The following SNAP91 variants were observed in gnomAD, a reference collection of about 807,000 sequenced individuals.
SNAP91 encodes the protein clathrin coat assembly protein AP180.
SNAP91 carries 27 observed loss-of-function variants against 100.3 expected under a neutral mutation model. The observed-to-expected ratio is 0.27, with a 90% CI of 0.20 to 0.37. The LOEUF (loss-of-function observed/expected upper bound fraction) is 0.37. Among genes scored for constraint, SNAP91 ranks in the 10% least tolerant of loss-of-function variants. The pLI is 1.00. For synonymous variants in SNAP91, 404 were observed against 398.6 expected, an observed-to-expected ratio of 1.01 and a Z score of -0.16; for missense variants, 986 against 1,123.7, an observed-to-expected ratio of 0.88 and a Z score of 1.75.
intron 2 of SNAP91, chr6:83,685,953 AC>A (rs1170763003): frequency 6.5e-6 from 1 of 154,292 alleles, no homozygotes; most frequent in African/African-American, 2.4e-5. Flanking sequence ...CAATTGACTT[AC>A]CTTTTTGTTT....
chr6:83,621,830 T>C (rs1282693956), intron 9 of SNAP91, among the ~76,000 whole-genome samples: 2 of 152,118 alleles, frequency 1.3e-5, no homozygotes, highest in South Asian at 2.1e-4. Context: ...GAAATAAAGA[T>C]GATTTGCCAC....
chr6:83,647,628 A>G (rs1208393870), intron 7 of SNAP91, among the ~76,000 whole-genome samples: 1 of 152,126 alleles, frequency 6.6e-6, no homozygotes, highest in African/African-American at 2.4e-5. Context: ...CATGAGAGAT[A>G]TTGGTCTGTA....
intron 29 of SNAP91, among the ~76,000 whole-genome samples, chr6:83,554,611 C>G (rs1406965311): frequency 6.6e-6 from 1 of 152,114 alleles, no homozygotes; most frequent in Non-Finnish European, 1.5e-5. Flanking sequence ...TATCTAAGAG[C>G]AGCCAACCTT....
intron 2 of SNAP91, among the ~76,000 whole-genome samples, chr6:83,702,229 C>T (rs1254368846): frequency 1.3e-5 from 2 of 152,144 alleles, no homozygotes; most frequent in Non-Finnish European, 2.9e-5. Flanking sequence ...TTAGTAGATG[C>T]TGGCTCAGGA....
At chr6:83,624,722 A>T (rs1188903487) in intron 8 of SNAP91, among the ~76,000 whole-genome samples, 1 of 152,016 alleles carries the variant, frequency 6.6e-6, no homozygotes, top group Non-Finnish European at 1.5e-5. Flanking sequence ...ACAAAAAAAC[A>T]TCTCTAAATG....
chr6:83,570,052 G>GT (rs1804057030), intron 26 of SNAP91, among the ~76,000 whole-genome samples: 1 of 152,138 alleles, frequency 6.6e-6, no homozygotes, highest in African/African-American at 2.4e-5. Flanking sequence ...TTGGAACTGG[G>GT]TAACAGGCAG....
At chr6:83,642,074 G>A (rs935110681) in intron 7 of SNAP91, among the ~76,000 whole-genome samples, 1 of 152,096 alleles carries the variant, frequency 6.6e-6, no homozygotes, top group African/African-American at 2.4e-5. Context: ...GCCTACAGTA[G>A]TTCCCAGGCA....
intron 22 of SNAP91, 58 bp downstream of exon 22, chr6:83,591,153 T>A: frequency 6.4e-6 from 7 of 1,096,510 alleles, no homozygotes; most frequent in Non-Finnish European, 9.7e-6. Context: ...TTATAATTGT[T>A]ACTTATAAAA....
At chr6:83,557,340 A>G (rs911226313) in intron 28 of SNAP91, among the ~76,000 whole-genome samples, 4 of 151,936 alleles carry the variant, frequency 2.6e-5, no homozygotes, top group African/African-American at 9.7e-5. Flanking sequence ...CTGACTAATT[A>G]TATTATCTAT....
At chr6:83,587,053 T>C (rs1010047109) in intron 22 of SNAP91, among the ~76,000 whole-genome samples, 2 of 152,190 alleles carry the variant, frequency 1.3e-5, no homozygotes, top group South Asian at 4.1e-4. Context: ...ATAGTTTTTA[T>C]GATAGATAGG....
intron 16 of SNAP91, among the ~76,000 whole-genome samples, chr6:83,598,858 T>C (rs2094825798): frequency 6.6e-6 from 1 of 152,110 alleles, no homozygotes; most frequent in Non-Finnish European, 1.5e-5. Flanking sequence ...TAATGACATA[T>C]ATAGACTCCT....
intron 11 of SNAP91, among the ~76,000 whole-genome samples, chr6:83,612,769 T>C (rs1210630193): frequency 6.6e-6 from 1 of 151,746 alleles, no homozygotes; most frequent in Non-Finnish European, 1.5e-5. Context: ...CACGCGCCTG[T>C]AATCCCAGCT....
intron 6 of SNAP91, among the ~76,000 whole-genome samples, chr6:83,657,670 T>G (rs2128708348): frequency 6.6e-6 from 1 of 152,308 alleles, no homozygotes; most frequent in African/African-American, 2.4e-5. Flanking sequence ...GAGGAAAATC[T>G]TTGTTGTAGG....
In SNAP91 at chr6:83,592,938, G is replaced by A. The variant is rs577695989; in HGVS notation, c.1846+8C>T. The A allele has an allele frequency of 5.1e-6, 8 of 1,572,366 alleles. No individual in the cohort carries two copies. In the East Asian group the frequency reaches 1.2e-4, roughly 23 times the overall value. Reference sequence around the variant, plus strand: ...TCTCTGAAGTCCTGACCTTGGCAAAGCACTCACCAGATAAGAGGTCAGCAG... The same window carrying A: ...TCTCTGAAGTCCTGACCTTGGCAAAACACTCACCAGATAAGAGGTCAGCAG... On this transcript the variant is annotated splice_region_variant and intron_variant, in intron 20 of 29. Transcript: ENST00000369694.
intron 2 of SNAP91, among the ~76,000 whole-genome samples, chr6:83,694,635 G>A (rs1376298295): frequency 6.6e-6 from 1 of 152,136 alleles, no homozygotes; most frequent in African/African-American, 2.4e-5. Context: ...ATGTGAACCT[G>A]GGAGCTTTAG....
chr6:83,668,531 G>C (rs1412128023), intron 2 of SNAP91, among the ~76,000 whole-genome samples: 1 of 152,040 alleles, frequency 6.6e-6, no homozygotes, highest in Non-Finnish European at 1.5e-5. Context: ...TCCTTTGTAG[G>C]GACATGGATG....
At chr6:83,687,981 C>T (rs74921055) in intron 2 of SNAP91, among the ~76,000 whole-genome samples, 1,906 of 152,174 alleles carry the variant, frequency 0.013, 35 homozygotes, top group African/African-American at 0.044. Context: ...GTGGAAGACA[C>T]GGGTTCAATC....
At chr6:83,597,018 A>G (rs2094547190) in intron 16 of SNAP91, among the ~76,000 whole-genome samples, 1 of 152,200 alleles carries the variant, frequency 6.6e-6, no homozygotes, top group African/African-American at 2.4e-5. Flanking sequence ...TAAAGCCCAT[A>G]TTGTTATAGC....
chr6:83,684,363 AC>A (rs2099032406), intron 2 of SNAP91, among the ~76,000 whole-genome samples: 1 of 152,112 alleles, frequency 6.6e-6, no homozygotes, highest in Non-Finnish European at 1.5e-5. Context: ...TTCACATACA[AC>A]ACACAACCTG....
Sources: gnomAD v4.1 joint callset for allele counts (sites outside exome capture counted in the v4.1 genomes callset) on GRCh38, gnomAD v4.1.1 for gene constraint, MANE v1.5 for transcripts, NCBI Gene and HGNC (gene_info 2026-07-23, HGNC 2026-07-21) for gene names.